Variants in MAN2A2 observed in about 807,000 individuals in gnomAD.
The protein encoded by MAN2A2 is alpha-mannosidase 2x.
A neutral mutation model predicts 126.8 loss-of-function variants in MAN2A2; 79 were observed. The observed-to-expected ratio is 0.62, with a 90% CI of 0.52 to 0.75. The LOEUF (loss-of-function observed/expected upper bound fraction) is 0.75. Among genes scored for constraint, MAN2A2 ranks in the 30% least tolerant of loss-of-function variants. The pLI is 0.00. For missense variants in MAN2A2, 1,392 were observed against 1,522.4 expected, an observed-to-expected ratio of 0.91 and a Z score of 1.43; for synonymous variants, 671 against 618.7, an observed-to-expected ratio of 1.08 and a Z score of -1.25.
At chr15:90,914,519 T>C (rs1045853193) in intron 19 of MAN2A2, among the ~76,000 whole-genome samples, 8 of 152,266 alleles carry the variant, frequency 5.3e-5, no homozygotes, top group African/African-American at 1.7e-4. Flanking sequence ...GACGTTCTTT[T>C]TTTTTGTTTT....
chr15:90,906,950 T>A, intron 7 of MAN2A2, 37 bp downstream of exon 7: 2 of 1,606,246 alleles, frequency 1.2e-6, no homozygotes, highest in Non-Finnish European at 1.7e-6. Flanking sequence ...TACTGCAGCA[T>A]AGTCTTCACT....
chr15:90,902,676 C>G (rs2033930550), upstream of MAN2A2: 1 of 150,914 alleles, frequency 6.6e-6, no homozygotes, highest in Admixed American at 6.6e-5. Flanking sequence ...GAGCTCCTGT[C>G]AGCTCCGCCG....
intron 6 of MAN2A2, 51 bp downstream of exon 6, chr15:90,906,548 G>A: frequency 6.2e-7 from 1 of 1,613,356 alleles, no homozygotes; most frequent in South Asian, 1.1e-5. Flanking sequence ...GTAAGGCACA[G>A]GCAGGGGCTG....
intron 15 of MAN2A2, 89 bp from the exon 16 acceptor site, chr15:90,912,453 C>G (rs1489212437): frequency 6.3e-7 from 1 of 1,594,012 alleles, no homozygotes; most frequent in Non-Finnish European, 8.6e-7. Flanking sequence ...CAGGGCACGG[C>G]TCCTTGGGGA....
chr15:90,905,761 A>G (rs780677608), intron 4 of MAN2A2, 38 bp downstream of exon 4: 2 of 1,610,466 alleles, frequency 1.2e-6, no homozygotes, highest in East Asian at 4.5e-5. Context: ...TGGAGTGTGG[A>G]GTGGGATTTC....
In MAN2A2 at chr15:90,905,610, A is replaced by G. The variant is rs2034215664; in HGVS notation, c.422A>G (p.Asp141Gly). The G allele has an allele frequency of 6.2e-7, 1 of 1,614,072 alleles. No homozygotes were observed. The highest frequency in any genetic ancestry group is 1.3e-5 in the African/African-American group (1 of 74,930). Residue 141 changes from aspartate (D) to glycine (G), a missense_variant, in exon 4 of 23, where the codon GAC becomes GGC. By Grantham distance (94) the Asp-to-Gly change is moderately conservative. Transcript: ENST00000559717. ...MLTVSEELPFDNVDGGVWRQG... is the reference protein window; with the variant it reads ...MLTVSEELPFGNVDGGVWRQG... ...ACTGTGTCGGAGGAGCTGCCGTTTGACAACGTGGATGGTGGTGTGTGGAGG... is the reference window on the plus strand; with the variant it reads ...ACTGTGTCGGAGGAGCTGCCGTTTGGCAACGTGGATGGTGGTGTGTGGAGG...
intron 21 of MAN2A2, 22 bp downstream of exon 21, chr15:90,918,410 ATG>A: frequency 6.2e-7 from 1 of 1,606,448 alleles, no homozygotes. Context: ...TCAGCGTGAC[ATG>A]CTGAGAGCAG....
rs202067301 is a variant in MAN2A2, at chr15:90,911,154, G to C, written c.1876-17G>C. 6.2e-6 allele frequency: 10 copies of C among 1,613,600 alleles called. No individual in the cohort carries two copies. In the African/African-American group the frequency reaches 1.1e-4, roughly 17 times the overall value. ...GAGCCCATGATGGTTCTTCCCTTCC[G>C]GCTCACTGAATTCCAGGATGACACT... On this transcript the variant is annotated splice_polypyrimidine_tract_variant and intron_variant, in intron 12 of 22. Coordinates refer to ENST00000559717, the MANE Select transcript of MAN2A2 (RefSeq NM_006122.4).
chr15:90,910,168 G>C lies in MAN2A2; in HGVS notation c.1453G>C (p.Gly485Arg). 6.2e-7 allele frequency: 1 copy of C among 1,614,172 alleles called. No individual in the cohort carries two copies. Among genetic ancestry groups the C allele is most frequent in the South Asian group, 1.1e-5 (1 of 91,082 alleles). Residue 485 changes from glycine to arginine, a missense_variant, in exon 10 of 23, where the codon GGG becomes CGG. Gly to Arg is a moderately radical substitution (Grantham distance 125, BLOSUM62 -2). Transcript: ENST00000559717. ...TGVEPGARPP[G>R]FPVLSGDFFS... ...GGTGGAGCCAGGGGCCCGGCCTCCAGGGTTTCCTGTGCTGAGCGGGGATTT... is the reference window on the plus strand; with the variant it reads ...GGTGGAGCCAGGGGCCCGGCCTCCACGGTTTCCTGTGCTGAGCGGGGATTT...
In MAN2A2 at chr15:90,911,568, C is replaced by A; in HGVS notation, c.2109+18C>A. 1 of 1,598,782 alleles carries A rather than the reference C, an allele frequency of 6.3e-7. No homozygotes were observed. Among genetic ancestry groups the A allele is most frequent in the South Asian group, 1.1e-5 (1 of 90,424 alleles). On this transcript the variant is annotated intron_variant, in intron 14 of 22. Transcript: ENST00000559717. ...TCTACCAGGTGAGGTGTGGGCTTGT[C>A]AGGTGGGCCTGGCCCTCTGCCCGTC...
chr15:90,916,533 T>C (rs755639528), intron 20 of MAN2A2: 18 of 1,415,718 alleles, frequency 1.3e-5, no homozygotes, highest in Non-Finnish European at 1.7e-5. Context: ...CCCAGCATTC[T>C]CTAAGCCTGT....
At position 90,918,359 on chromosome 15, in the gene MAN2A2, C is replaced by A; in HGVS notation, c.3160C>A (p.Leu1054Met). The change falls in exon 21 of 23, where the codon CTG becomes ATG. Residue 1054 changes from leucine (L) to methionine (M), a missense_variant. Transcript: ENST00000559717. ...LASSLPCDFH[L>M]LNLRTLQAEE... is the part of the protein sequence containing the mutation. ...TTCCTCACTGCCCTGTGACTTCCACCTGCTCAACCTACGTACGCTCCAGGC... is the reference window on the plus strand; with the variant it reads ...TTCCTCACTGCCCTGTGACTTCCACATGCTCAACCTACGTACGCTCCAGGC... 1 of 1,614,158 alleles carries A rather than the reference C, an allele frequency of 6.2e-7. No homozygotes were observed. Among genetic ancestry groups the A allele is most frequent in the Non-Finnish European group, 8.5e-7 (1 of 1,180,002 alleles).
At chr15:90,910,434 A>G in intron 10 of MAN2A2, 67 bp from the exon 11 acceptor site, 1 of 1,590,740 alleles carries the variant, frequency 6.3e-7, no homozygotes, top group Non-Finnish European at 8.6e-7. Flanking sequence ...AGGAGGCTGC[A>G]CTGGCAGAGT....
intron 22 of MAN2A2, 136 bp downstream of exon 22, chr15:90,918,891 A>G (rs1270627335): frequency 5.9e-6 from 4 of 675,074 alleles, no homozygotes; most frequent in Non-Finnish European, 1.0e-5. Flanking sequence ...GAAGCTGTAG[A>G]CATGTTTTCA....
intron 2 of MAN2A2, among the ~76,000 whole-genome samples, chr15:90,904,593 CTTT>C (rs35245127): frequency 2.8e-5 from 4 of 143,262 alleles, no homozygotes; most frequent in Admixed American, 6.9e-5. Flanking sequence ...TCTTTTCTTT[CTTT>C]TTTTTTTTTT....
At position 90,918,652 on chromosome 15, in the gene MAN2A2, C is replaced by T. The variant is rs2151331496; in HGVS notation, c.3197C>T (p.Thr1066Ile). The T allele has an allele frequency of 1.3e-6, 2 of 1,517,814 alleles. No homozygotes were observed. Among genetic ancestry groups the T allele is most frequent in the Non-Finnish European group, 9.1e-7 (1 of 1,093,128 alleles). 94.0% of individuals were successfully genotyped at this position (1,517,814 alleles called of 1,614,324 possible). A position where few individuals can be genotyped will look rare whatever the true frequency, so the allele number is the denominator to read the frequency against. The change falls in exon 22 of 23, where the codon ACC becomes ATC. Residue 1066 changes from threonine to isoleucine, a missense_variant. By Grantham distance (89) the Thr-to-Ile change is moderately conservative. Coordinates refer to ENST00000559717, the MANE Select transcript of MAN2A2 (RefSeq NM_006122.4). ...NLRTLQAEED[T>I]LPSAETALIL... ...GCACTGTCTGTCATCCAGGAGGACACCCTACCCTCGGCGGAGACCGCACTC... is the reference window on the plus strand; with the variant it reads ...GCACTGTCTGTCATCCAGGAGGACATCCTACCCTCGGCGGAGACCGCACTC...
rs757155877 is a variant in MAN2A2 at position 90,910,306 on chromosome 15, C to T, written c.1577+14C>T. On this transcript the variant is annotated intron_variant, in intron 10 of 22. Coordinates refer to ENST00000559717, the MANE Select transcript of MAN2A2 (RefSeq NM_006122.4). ...AGCCCACCTGCGGTGAGACCCTGTC[C>T]CCGCTTCCAGGCTGGAGGGGGAGAG... 6.2e-7 allele frequency: 1 copy of T among 1,613,324 alleles called. No individual in the cohort carries two copies. The highest frequency in any genetic ancestry group is 8.5e-7 in the Non-Finnish European group (1 of 1,179,550).
Position 90,913,091 on chromosome 15 carries a change from G to A in MAN2A2, c.2584+100G>A, listed in dbSNP as rs149262830. The A allele has an allele frequency of 3.0e-3, 3,498 of 1,159,552 alleles. 26 individuals carry two copies. The highest frequency in any genetic ancestry group is 2.0e-3 in the Non-Finnish European group (1,608 of 798,156). The allele number at this position is 1,159,552 out of a possible 1,614,324, so 71.8% of individuals were successfully genotyped here. A position where few individuals can be genotyped will look rare whatever the true frequency, so the allele number is the denominator to read the frequency against. ...GCTTCTCTGTTCATACCTCTGTTCC[G>A]TATCATTTGAGACAGGGATGCTCCA... On this transcript the variant is annotated intron_variant, in intron 17 of 22. Coordinates refer to ENST00000559717, the MANE Select transcript of MAN2A2 (RefSeq NM_006122.4).
Position 90,922,208 on chromosome 15 carries a change from T to G in MAN2A2, c.*2421T>G, listed in dbSNP as rs1223679213. 2.6e-5 allele frequency: 4 copies of G among 152,160 alleles called. No homozygotes were observed. Among genetic ancestry groups the G allele is most frequent in the Non-Finnish European group, 5.9e-5 (4 of 68,020 alleles). The allele number at this position is 152,160 out of a possible 1,614,324, so 9.4% of individuals were successfully genotyped here. A position where few individuals can be genotyped will look rare whatever the true frequency, so the allele number is the denominator to read the frequency against. ...TAAAAAAATCAACGAGTACAATTAC[T>G]TTAGGAGAAAAGCTTGCTTCAGGGT... On this transcript the variant is annotated 3_prime_UTR_variant, in exon 23 of 23. Coordinates refer to ENST00000559717, the MANE Select transcript of MAN2A2 (RefSeq NM_006122.4).
Sources: allele counts gnomAD v4.1 joint callset (sites outside exome capture counted in the v4.1 genomes callset), GRCh38; gene constraint gnomAD v4.1.1; transcripts MANE v1.5; gene names NCBI Gene and HGNC (gene_info 2026-07-23, HGNC 2026-07-21).